LRMDA: variants seen among roughly 807,000 people sequenced by gnomAD.
The protein encoded by LRMDA is leucine rich melanocyte differentiation associated.
In LRMDA, 18 loss-of-function variants were observed where a neutral mutation model predicts 29.8. The observed-to-expected ratio is 0.60, with a 90% CI of 0.42 to 0.90. LRMDA has a LOEUF of 0.90. Ranked by LOEUF, LRMDA falls within the 40% of genes least tolerant of loss-of-function variation. LRMDA has a pLI of 0.00. For synonymous variants in LRMDA, 125 were observed against 109.4 expected, an observed-to-expected ratio of 1.14 and a Z score of -0.89; for missense variants, 273 against 273.9, an observed-to-expected ratio of 1.00 and a Z score of 0.02.
chr10:75,779,923 T>C (rs564959829), intron 2 of LRMDA, among the ~76,000 whole-genome samples: 81 of 152,282 alleles, frequency 5.3e-4, no homozygotes, highest in African/African-American at 1.9e-3. Context: ...GATCTCGAGA[T>C]GAAATCATAC....
chr10:76,509,273 T>C (rs937436142), intron 6 of LRMDA, among the ~76,000 whole-genome samples: 1 of 152,168 alleles, frequency 6.6e-6, no homozygotes, highest in Non-Finnish European at 1.5e-5. Flanking sequence ...CAGAATCCTT[T>C]CCAAGATAGA....
chr10:75,523,837 C>T (rs1392052926), intron 2 of LRMDA, among the ~76,000 whole-genome samples: 2 of 152,148 alleles, frequency 1.3e-5, no homozygotes, highest in Admixed American at 6.5e-5. Flanking sequence ...CTTCCTGAGG[C>T]ACCATTCCCC....
intron 2 of LRMDA, among the ~76,000 whole-genome samples, chr10:75,811,460 C>T (rs939471793): frequency 3.3e-5 from 5 of 152,120 alleles, no homozygotes; most frequent in African/African-American, 4.8e-5. Context: ...TGCGCTCCCT[C>T]GGGAACCCCT....
At chr10:75,642,567 C>T (rs1157648045) in intron 2 of LRMDA, 1 of 152,168 alleles carries the variant, frequency 6.6e-6, no homozygotes, top group African/African-American at 2.4e-5. Context: ...GTAGGGTTAG[C>T]TCTTGGCTGG....
At chr10:76,143,832 C>T (rs1318374407) in intron 5 of LRMDA, among the ~76,000 whole-genome samples, 1 of 152,154 alleles carries the variant, frequency 6.6e-6, no homozygotes, top group Non-Finnish European at 1.5e-5. Context: ...TTAGGTCTAA[C>T]ATTTAAGTCT....
At chr10:76,251,148 G>A (rs1342140450) in intron 5 of LRMDA, among the ~76,000 whole-genome samples, 4 of 150,418 alleles carry the variant, frequency 2.7e-5, no homozygotes, top group South Asian at 2.1e-4. Flanking sequence ...TTCAGAGGAC[G>A]TATGGTCTAA....
Position 75,920,549 on chromosome 10 carries a change from T to A in LRMDA, c.132-115459T>A, listed in dbSNP as rs117728753. Among the ~76,000 whole-genome samples the A allele has an allele frequency of 2.4e-3, 367 of 152,276 alleles. 8 individuals are homozygous for A. In the East Asian group the frequency reaches 0.046, roughly 19 times the overall value. On this transcript the variant is annotated intron_variant, in intron 2 of 6. Transcript: ENST00000611255. ...TGCTATAACTTATCCAATCCAGCCC[T>A]CTCTATGCGCTTTACAGATAAGGAA...
intron 2 of LRMDA, among the ~76,000 whole-genome samples, chr10:75,575,510 G>A (rs573413300): frequency 2.0e-4 from 31 of 152,314 alleles, no homozygotes; most frequent in African/African-American, 5.8e-4. Context: ...GAAATCTGCC[G>A]AAAGAAAGGG....
At chr10:75,736,684 T>G (rs1342098039) in intron 2 of LRMDA, among the ~76,000 whole-genome samples, 2 of 152,222 alleles carry the variant, frequency 1.3e-5, no homozygotes, top group African/African-American at 4.8e-5. Flanking sequence ...AGCAGCAGCA[T>G]CGGCTTCAAG....
chr10:75,557,961 T>C (rs3012056), intron 2 of LRMDA, among the ~76,000 whole-genome samples: 93,346 of 151,838 alleles, frequency 0.61, 31,584 homozygotes, highest in East Asian at 0.85. Flanking sequence ...TGTCTAAATC[T>C]TCCAAGACAC....
chr10:75,839,925 A>G (rs1844509336), intron 2 of LRMDA, among the ~76,000 whole-genome samples: 1 of 151,810 alleles, frequency 6.6e-6, no homozygotes, highest in Non-Finnish European at 1.5e-5. Context: ...ATCCAGGATG[A>G]TCTTGATCTC....
At chr10:76,246,449 C>A (rs922566586) in intron 5 of LRMDA, among the ~76,000 whole-genome samples, 19 of 152,136 alleles carry the variant, frequency 1.2e-4, no homozygotes, top group African/African-American at 4.1e-4. Flanking sequence ...GCATTCTAAT[C>A]TCCTGAGAAT....
At chr10:75,488,038 A>G (rs1844936402) in intron 2 of LRMDA, among the ~76,000 whole-genome samples, 1 of 152,260 alleles carries the variant, frequency 6.6e-6, no homozygotes, top group South Asian at 2.1e-4. Flanking sequence ...GCCACTCTGG[A>G]CCTTGAGAGT....
At chr10:75,521,592 C>T (rs966750150) in intron 2 of LRMDA, among the ~76,000 whole-genome samples, 6 of 152,252 alleles carry the variant, frequency 3.9e-5, no homozygotes, top group African/African-American at 7.2e-5. Context: ...GGGAGTGTCC[C>T]GTTTTTCCCA....
chr10:75,973,789 G>A (rs765586684), intron 2 of LRMDA, among the ~76,000 whole-genome samples: 2 of 152,140 alleles, frequency 1.3e-5, no homozygotes, highest in Non-Finnish European at 2.9e-5. Flanking sequence ...TGACTTGGGG[G>A]CGGTGGGGTA....
intron 2 of LRMDA, among the ~76,000 whole-genome samples, chr10:75,749,477 T>C (rs1323522743): frequency 1.3e-5 from 2 of 152,148 alleles, no homozygotes; most frequent in East Asian, 1.9e-4. Context: ...TACACACACA[T>C]ATATATCTGT....
chr10:76,530,297 G>A (rs1167637263), intron 6 of LRMDA, among the ~76,000 whole-genome samples: 3 of 152,124 alleles, frequency 2.0e-5, no homozygotes, highest in African/African-American at 7.2e-5. Flanking sequence ...ATGCACTGAG[G>A]AATATAGGAA....
intron 2 of LRMDA, among the ~76,000 whole-genome samples, chr10:75,582,170 C>T (rs1373279257): frequency 6.6e-6 from 1 of 152,222 alleles, no homozygotes; most frequent in Non-Finnish European, 1.5e-5. Context: ...TAGCCCTCTT[C>T]TCACAGCTCC....
At position 76,058,669 on chromosome 10, in the gene LRMDA, C is replaced by T; in HGVS notation, c.402C>T (p.Cys134=). ...GTCTCTGACTCTTATCTTCCAGATG[C>T]TTTGTTCTGTACAAGCTGCCCAACT... ...KDEEDYKRYR[C]FVLYKLPNLK... Residue 134 remains cysteine (C), a synonymous_variant, in exon 5 of 7, where the codon TGC becomes TGT. Coordinates refer to ENST00000611255, the MANE Select transcript of LRMDA (RefSeq NM_001305581.2). The T allele has an allele frequency of 1.2e-6, 2 of 1,612,772 alleles. No individual in the cohort carries two copies. The highest frequency in any genetic ancestry group is 1.1e-5 in the South Asian group (1 of 91,066).
Sources: allele counts gnomAD v4.1 joint callset (sites outside exome capture counted in the v4.1 genomes callset), GRCh38; gene constraint gnomAD v4.1.1; transcripts MANE v1.5; gene names NCBI Gene and HGNC (gene_info 2026-07-23, HGNC 2026-07-21).